Variants in APBA2 observed in about 807,000 individuals in gnomAD.
The protein encoded by APBA2 is amyloid-beta A4 precursor protein-binding family A member 2.
A neutral mutation model predicts 75.0 loss-of-function variants in APBA2; 30 were observed. The ratio of observed to expected loss-of-function variants is 0.40; its 90% CI spans 0.30 to 0.54. The LOEUF is 0.54. Among genes scored for constraint, APBA2 ranks in the 20% least tolerant of loss-of-function variants. The probability of loss-of-function intolerance (pLI) is 0.49; values close to 1 mark genes in which losing one functional copy is unlikely to be tolerated. For synonymous variants in APBA2, 444 were observed against 409.6 expected (o/e 1.08, Z -1.01); for missense variants, 801 against 1,016.1 (o/e 0.79, Z 2.88).
intron 6 of APBA2, among the ~76,000 whole-genome samples, chr15:29,085,458 G>C (rs1468550463): frequency 6.7e-6 from 1 of 150,222 alleles, no homozygotes; most frequent in Non-Finnish European, 1.5e-5. Flanking sequence ...CCGGGAGGCG[G>C]AGCTTGCAGT....
chr15:29,064,795 T>G (rs2042304884), intron 4 of APBA2, among the ~76,000 whole-genome samples: 1 of 151,680 alleles, frequency 6.6e-6, no homozygotes, highest in Non-Finnish European at 1.5e-5. Context: ...GGAGGGACAT[T>G]AGGAAGGCCA....
At chr15:28,892,084 T>C (rs1420287498) in intron 1 of APBA2, among the ~76,000 whole-genome samples, 3 of 108,778 alleles carry the variant, frequency 2.8e-5, no homozygotes, top group African/African-American at 1.3e-4. Flanking sequence ...TATATATATA[T>C]GTTTTTTTGA....
intron 11 of APBA2, among the ~76,000 whole-genome samples, chr15:29,106,048 G>C (rs969478447): frequency 8.5e-5 from 13 of 152,236 alleles, no homozygotes; most frequent in African/African-American, 3.1e-4. Context: ...TGTGTCTGCT[G>C]TGGATGAGTG....
intron 3 of APBA2, among the ~76,000 whole-genome samples, chr15:29,015,309 T>C (rs1233387142): frequency 6.6e-6 from 1 of 152,138 alleles, no homozygotes; most frequent in East Asian, 1.9e-4. Context: ...TGTCAATGAG[T>C]GCCTGGGGTC....
intron 2 of APBA2, among the ~76,000 whole-genome samples, chr15:28,977,680 G>A (rs745460394): frequency 2.0e-5 from 3 of 152,144 alleles, no homozygotes; most frequent in Non-Finnish European, 2.9e-5. Flanking sequence ...GAAGCATTCC[G>A]AATTTGCGGA....
chr15:29,074,342 A>G (rs564842396), intron 4 of APBA2, among the ~76,000 whole-genome samples: 4 of 152,344 alleles, frequency 2.6e-5, no homozygotes, highest in South Asian at 2.1e-4. Flanking sequence ...ATGTGCTTCA[A>G]TGTGGACGAC....
At chr15:29,027,750 T>C (rs907588960) in intron 3 of APBA2, among the ~76,000 whole-genome samples, 9 of 151,956 alleles carry the variant, frequency 5.9e-5, no homozygotes, top group Admixed American at 5.9e-4. Flanking sequence ...TACAGGCGCC[T>C]GCCACCACGC....
At chr15:28,939,032 C>T (rs954142760) in intron 2 of APBA2, among the ~76,000 whole-genome samples, 4 of 152,148 alleles carry the variant, frequency 2.6e-5, no homozygotes, top group African/African-American at 7.2e-5. Flanking sequence ...TTCCTCCAGC[C>T]CCTCCCAGCC....
intron 2 of APBA2, among the ~76,000 whole-genome samples, chr15:28,952,806 ATCT>A (rs1383923960): frequency 6.6e-6 from 1 of 152,220 alleles, no homozygotes; most frequent in African/African-American, 2.4e-5. Context: ...ACATGTATTT[ATCT>A]TCTTAGCAAT....
At chr15:28,983,944 T>TCTGCCCTGCC (rs959083983) in intron 2 of APBA2, among the ~76,000 whole-genome samples, 5 of 152,098 alleles carry the variant, frequency 3.3e-5, no homozygotes, top group Admixed American at 3.3e-4. Context: ...CTAGAAGACC[T>TCTGCCCTGCC]CTGCCCTGCC....
At chr15:28,962,948 T>C (rs761931893) in intron 2 of APBA2, among the ~76,000 whole-genome samples, 7 of 152,266 alleles carry the variant, frequency 4.6e-5, no homozygotes, top group Non-Finnish European at 7.4e-5. Context: ...CACTCACCAT[T>C]ATACCACCTG....
At chr15:28,975,821 G>C (rs182984095) in intron 2 of APBA2, among the ~76,000 whole-genome samples, 2 of 152,316 alleles carry the variant, frequency 1.3e-5, no homozygotes, top group Admixed American at 1.3e-4. Context: ...TATTGGCAGA[G>C]AGGAAAAAAC....
chr15:28,943,441 A>G (rs2035351451), intron 2 of APBA2, among the ~76,000 whole-genome samples: 1 of 152,200 alleles, frequency 6.6e-6, no homozygotes, highest in Admixed American at 6.5e-5. Context: ...TGCGACTTCC[A>G]AAGAGCATTG....
At chr15:29,063,633 GTGTC>G (rs578052041) in intron 4 of APBA2, among the ~76,000 whole-genome samples, 34 of 150,810 alleles carry the variant, frequency 2.3e-4, no homozygotes, top group African/African-American at 8.1e-4. Context: ...GATCTGGTCA[GTGTC>G]TGTATGGGTG....
chr15:28,964,854 T>C (rs1213378234), intron 2 of APBA2, among the ~76,000 whole-genome samples: 3 of 152,114 alleles, frequency 2.0e-5, no homozygotes, highest in Admixed American at 2.0e-4. Flanking sequence ...GTTTATATAT[T>C]CTAGATACAA....
intron 2 of APBA2, among the ~76,000 whole-genome samples, chr15:28,990,102 A>G (rs975747185): frequency 1.3e-5 from 2 of 152,214 alleles, no homozygotes; most frequent in African/African-American, 4.8e-5. Flanking sequence ...GCCAGGGGGA[A>G]GAGGGCACGT....
intron 2 of APBA2, among the ~76,000 whole-genome samples, chr15:28,985,508 G>A (rs75669666): frequency 6.6e-6 from 1 of 152,210 alleles, no homozygotes; most frequent in African/African-American, 2.4e-5. Context: ...GTGTGTATTA[G>A]GTGTTACGGT....
chr15:28,983,086 G>C (rs1002012131), intron 2 of APBA2, among the ~76,000 whole-genome samples: 1 of 152,154 alleles, frequency 6.6e-6, no homozygotes, highest in South Asian at 2.1e-4. Flanking sequence ...AGTTAGCTGG[G>C]GGATCCCCTG....
rs999822646 is a variant in APBA2, at chr15:29,023,107, A to G, written c.-41+27301A>G. Among the ~76,000 whole-genome samples, 19 of 152,204 alleles carry G rather than the reference A, an allele frequency of 1.2e-4. No individual in the cohort carries two copies. The South Asian group carries it at 2.9e-3, about 23-fold the overall frequency. The stretch of plus-strand genomic sequence containing the variant: ...CGTCCGTTGATTCTCTTGGTTTTCT[A>G]TAAAGACAGGAATATTGTCTGAAAA... On this transcript the variant is annotated intron_variant, in intron 3 of 14. Transcript: ENST00000683413.
Sources: allele counts gnomAD v4.1 joint callset (sites outside exome capture counted in the v4.1 genomes callset), GRCh38; gene constraint gnomAD v4.1.1; transcripts MANE v1.5; gene names NCBI Gene and HGNC (gene_info 2026-07-23, HGNC 2026-07-21).